Variants in FOCAD observed in about 807,000 individuals in gnomAD.
FOCAD encodes the protein KIAA1797.
Under a neutral mutation model 225.6 loss-of-function variants are expected in FOCAD, and 198 were observed. The ratio of observed to expected loss-of-function variants is 0.88; its 90% CI spans 0.78 to 0.99. The LOEUF is 0.99. Among genes scored for constraint, FOCAD ranks in the 50% least tolerant of loss-of-function variants. The pLI, the probability that FOCAD is intolerant of heterozygous loss-of-function variation, is 0.00. For missense variants in FOCAD, 2,713 were observed against 2,123.6 expected, an observed-to-expected ratio of 1.28 and a Z score of -5.46; for synonymous variants, 897 against 755.0, an observed-to-expected ratio of 1.19 and a Z score of -3.08.
intron 19 of FOCAD, among the ~76,000 whole-genome samples, chr9:20,879,387 G>A (rs1286392140): frequency 6.6e-6 from 1 of 152,138 alleles, no homozygotes; most frequent in African/African-American, 2.4e-5. Flanking sequence ...TAGACTTAAG[G>A]GATTTTGATC....
intron 25 of FOCAD, 64 bp downstream of exon 25, chr9:20,923,832 C>G (rs942716930): frequency 8.0e-7 from 1 of 1,251,964 alleles, no homozygotes; most frequent in South Asian, 1.3e-5. Context: ...CTTTAGGTAG[C>G]CTGGCCCTGG....
Position 20,929,675 on chromosome 9 carries a change from A to G in FOCAD, c.3317+79A>G, listed in dbSNP as rs977132764. 9.6e-6 allele frequency: 11 copies of G among 1,143,964 alleles called. No homozygotes were observed. In the African/African-American group the frequency reaches 1.1e-4, roughly 11 times the overall value. The allele number at this position is 1,143,964 out of a possible 1,614,324, so 70.9% of individuals were successfully genotyped here. ...ATTTTGCACCCATATGCACCTATAT[A>G]TAAACATTGTATCTGAGCAATATGT... On this transcript the variant is annotated intron_variant, in intron 27 of 43. Coordinates refer to ENST00000338382, the MANE Select transcript of FOCAD (RefSeq NM_001375567.1).
intron 19 of FOCAD, among the ~76,000 whole-genome samples, chr9:20,880,125 G>T (rs868677758): frequency 1.3e-5 from 2 of 152,138 alleles, no homozygotes; most frequent in African/African-American, 4.8e-5. Context: ...TTGTGTAAAT[G>T]ATGTATTGAT....
At chr9:20,784,764 C>T (rs1400930110) in intron 10 of FOCAD, among the ~76,000 whole-genome samples, 1 of 152,042 alleles carries the variant, frequency 6.6e-6, no homozygotes, top group Non-Finnish European at 1.5e-5. Flanking sequence ...ATATAGTAAG[C>T]AGAATATTTG....
intron 6 of FOCAD, among the ~76,000 whole-genome samples, chr9:20,760,353 C>A (rs1282543967): frequency 6.6e-6 from 1 of 152,208 alleles, no homozygotes; most frequent in Non-Finnish European, 1.5e-5. Flanking sequence ...GTTTGAAATT[C>A]CCTGGACTAT....
intron 2 of FOCAD, among the ~76,000 whole-genome samples, chr9:20,674,518 CAG>C (rs960753222): frequency 1.3e-5 from 2 of 152,142 alleles, no homozygotes; most frequent in African/African-American, 4.8e-5. Context: ...TAATTCTTGA[CAG>C]AGAATGTAAG....
intron 11 of FOCAD, among the ~76,000 whole-genome samples, chr9:20,792,246 G>C: frequency 6.6e-6 from 1 of 152,164 alleles, no homozygotes; most frequent in Admixed American, 6.6e-5. Context: ...TTAGGTATCT[G>C]AACTGAACAT....
At chr9:20,715,887 G>A (rs904279753) in intron 2 of FOCAD, among the ~76,000 whole-genome samples, 1 of 152,142 alleles carries the variant, frequency 6.6e-6, no homozygotes, top group African/African-American at 2.4e-5. Context: ...TAACTTTAAA[G>A]AGCTTTTCAA....
intron 21 of FOCAD, among the ~76,000 whole-genome samples, chr9:20,890,085 T>C (rs1002876510): frequency 6.6e-6 from 1 of 152,138 alleles, no homozygotes; most frequent in Non-Finnish European, 1.5e-5. Flanking sequence ...AGTCTTTTTG[T>C]AAATTATTTT....
intron 26 of FOCAD, chr9:20,927,828 C>T (rs1835100392): frequency 6.6e-6 from 1 of 151,928 alleles, no homozygotes; most frequent in Non-Finnish European, 1.5e-5. Flanking sequence ...TAGCTTAAAA[C>T]CTTAATGCCG....
intron 28 of FOCAD, among the ~76,000 whole-genome samples, chr9:20,944,277 C>T (rs917182185): frequency 4.6e-5 from 7 of 152,178 alleles, no homozygotes; most frequent in Non-Finnish European, 1.0e-4. Flanking sequence ...AGGGGTGTTG[C>T]AGGGAAAACT....
chr9:20,928,411 G>A (rs77305444), intron 26 of FOCAD, among the ~76,000 whole-genome samples: 227 of 152,276 alleles, frequency 1.5e-3, no homozygotes, highest in African/African-American at 5.3e-3. Flanking sequence ...CTTAGAGAGC[G>A]AATGGGCCTA....
intron 22 of FOCAD, among the ~76,000 whole-genome samples, chr9:20,907,601 C>T (rs1209998361): frequency 1.3e-5 from 2 of 152,030 alleles, no homozygotes; most frequent in Non-Finnish European, 1.5e-5. Flanking sequence ...GACTTGCTTA[C>T]ATCTCCAGCC....
chr9:20,779,272 G>A (rs923967464), intron 9 of FOCAD, among the ~76,000 whole-genome samples: 1 of 152,248 alleles, frequency 6.6e-6, no homozygotes, highest in Non-Finnish European at 1.5e-5. Flanking sequence ...TAAGAAGAAT[G>A]TGGTAAAGAA....
At chr9:20,984,275 G>A (rs1356270903) in intron 39 of FOCAD, among the ~76,000 whole-genome samples, 1 of 152,092 alleles carries the variant, frequency 6.6e-6, no homozygotes, top group Non-Finnish European at 1.5e-5. Context: ...TGTAAAGGTG[G>A]GACTTTAATA....
chr9:20,921,221 A>G (rs944125627), intron 24 of FOCAD, among the ~76,000 whole-genome samples: 3 of 152,174 alleles, frequency 2.0e-5, no homozygotes, highest in African/African-American at 2.4e-5. Context: ...CACTTTACTA[A>G]TATGTAATGT....
chr9:20,680,229 G>GT (rs1822361461), upstream of FOCAD, among the ~76,000 whole-genome samples: 1 of 152,176 alleles, frequency 6.6e-6, no homozygotes, highest in Admixed American at 6.5e-5. Flanking sequence ...CTGTTCTAAT[G>GT]TTTTTTGTCC....
chr9:20,916,943 A>T lies in FOCAD; in HGVS notation c.2852+6A>T, dbSNP rs776416210. The stretch of plus-strand genomic sequence containing the variant: ...ATCACCAAGGCAGCTGCAAAGTAAG[A>T]TCCATTTAGTCTTTTATCAAACATT... On this transcript the variant is annotated splice_donor_region_variant and intron_variant, in intron 24 of 43. Coordinates refer to ENST00000338382, the MANE Select transcript of FOCAD (RefSeq NM_001375567.1). The T allele has an allele frequency of 6.3e-7, 1 of 1,599,668 alleles. No homozygotes were observed. Among genetic ancestry groups the T allele is most frequent in the South Asian group, 1.1e-5 (1 of 87,428 alleles).
At chr9:20,874,873 T>C (rs1211868412) in intron 19 of FOCAD, 66 bp downstream of exon 19, 1 of 1,581,862 alleles carries the variant, frequency 6.3e-7, no homozygotes, top group African/African-American at 1.4e-5. Flanking sequence ...GATTGTATTC[T>C]TTTGTGATAG....
Sources: allele counts gnomAD v4.1 joint callset (sites outside exome capture counted in the v4.1 genomes callset), GRCh38; gene constraint gnomAD v4.1.1; transcripts MANE v1.5; gene names NCBI Gene and HGNC (gene_info 2026-07-23, HGNC 2026-07-21).